CYP4F3: variants seen among roughly 807,000 people sequenced by gnomAD.
CYP4F3 encodes the protein cytochrome P450 family 4 subfamily F member 3, also known as cytochrome P450 4F3.
CYP4F3 carries 50 observed loss-of-function variants against 54.8 expected under a neutral mutation model. The ratio of observed to expected loss-of-function variants is 0.91; its 90% CI spans 0.73 to 1.16. The LOEUF (loss-of-function observed/expected upper bound fraction) is 1.16, where lower values mean the gene tolerates loss of function less well. Ranked by LOEUF, CYP4F3 falls within the 50% of genes most tolerant of loss-of-function variation. The pLI is 0.00. For synonymous variants in CYP4F3, 244 were observed against 262.6 expected (o/e 0.93, Z 0.69); for missense variants, 715 against 676.2 (o/e 1.06, Z -0.64).
chr19:15,658,574 T>A lies in CYP4F3; in HGVS notation c.1314+19T>A, dbSNP rs1157469077. ...CCCTGAGGTGCGGGCCCCCCGTCTC[T>A]GTTTTTGTCCATTCCAAGGCTCCTA... is the stretch of plus-strand genomic sequence containing the variant. On this transcript the variant is annotated intron_variant, in intron 11 of 12. Transcript: ENST00000221307. 1 of 1,613,822 alleles carries A rather than the reference T, an allele frequency of 6.2e-7. No homozygotes were observed. The highest frequency in any genetic ancestry group is 2.2e-5 in the East Asian group (1 of 44,882).
Position 15,656,072 on chromosome 19 carries a change from G to A in CYP4F3, c.1116-2192G>A, listed in dbSNP as rs538290451. ...TTTGACCAACATTTCACCCTTCTCT[G>A]TCCCTCCCCCACCCCTGGCCTCTGG... On this transcript the variant is annotated intron_variant, in intron 9 of 12. Transcript: ENST00000221307. Among the ~76,000 whole-genome samples, 14 of 152,046 alleles carry A rather than the reference G, an allele frequency of 9.2e-5. 2 individuals are homozygous for A. The highest frequency in any genetic ancestry group is 3.4e-4 in the African/African-American group (14 of 41,484).
rs1270772904 is a variant in CYP4F3 at position 15,644,162 on chromosome 19, T to C, written c.199-1557T>C. 3.1e-6 allele frequency: 4 copies of C among 1,295,138 alleles called. No individual in the cohort carries two copies. The African/African-American group carries it at 4.6e-5, about 15-fold the overall frequency. The allele number at this position is 1,295,138 out of a possible 1,614,324, so 80.2% of individuals were successfully genotyped here. A position where few individuals can be genotyped will look rare whatever the true frequency, so the allele number is the denominator to read the frequency against. ...GCAGTACTCTGGTCTCTCCTTTCCT[T>C]CTCTCTCAGCCATCTTCATCTTTCT... On this transcript the variant is annotated intron_variant, in intron 2 of 12. Coordinates refer to ENST00000221307, the MANE Select transcript of CYP4F3 (RefSeq NM_000896.3).
chr19:15,643,961 C>A, intron 2 of CYP4F3: 1 of 1,606,536 alleles, frequency 6.2e-7, no homozygotes. Flanking sequence ...GGCCACCTAC[C>A]CCCAGGGCTT....
At chr19:15,641,247 C>G (rs1357470144) in intron 1 of CYP4F3, 168 bp from the exon 2 acceptor site, 16 of 809,304 alleles carry the variant, frequency 2.0e-5, no homozygotes, top group Non-Finnish European at 2.8e-5. Flanking sequence ...CTGGTTTTGG[C>G]TGGGCCTTTC....
At chr19:15,645,434 AT>A (rs1180353643) in intron 2 of CYP4F3, among the ~76,000 whole-genome samples, 1 of 152,192 alleles carries the variant, frequency 6.6e-6, no homozygotes, top group African/African-American at 2.4e-5. Flanking sequence ...TTACTTTATC[AT>A]TTAGAGCCTC....
At chr19:15,642,824 G>A (rs137956702) in intron 2 of CYP4F3, among the ~76,000 whole-genome samples, 1,570 of 151,906 alleles carry the variant, frequency 0.01, 11 homozygotes, top group Non-Finnish European at 0.018. Context: ...TGGGTAGATA[G>A]ACAGATAGAT....
In CYP4F3 at chr19:15,659,576, A is replaced by G. The variant is rs1973137324; in HGVS notation, c.*191A>G. ...TGTTCATGGCAGCCCTATTCACAGT[A>G]GCCAAACGATGAAAACAACCCCAAG... On this transcript the variant is annotated 3_prime_UTR_variant, in exon 13 of 13. Transcript: ENST00000221307. 20 of 1,123,740 alleles carry G rather than the reference A, an allele frequency of 1.8e-5. No homozygotes were observed. Among genetic ancestry groups the G allele is most frequent in the Non-Finnish European group, 2.5e-5 (20 of 815,748 alleles). The allele number at this position is 1,123,740 out of a possible 1,614,324, so 69.6% of individuals were successfully genotyped here. A position where few individuals can be genotyped will look rare whatever the true frequency, so the allele number is the denominator to read the frequency against.
intron 2 of CYP4F3, among the ~76,000 whole-genome samples, chr19:15,642,586 C>CT (rs753401668): frequency 3.3e-5 from 5 of 152,218 alleles, no homozygotes; most frequent in African/African-American, 1.2e-4. Flanking sequence ...CACCTCTGGG[C>CT]TGAAATGACT....
chr19:15,649,336 T>G (rs2144647827), intron 6 of CYP4F3, 55 bp downstream of exon 6: 4 of 1,608,652 alleles, frequency 2.5e-6, no homozygotes, highest in Non-Finnish European at 3.4e-6. Context: ...AGTTGGTAGG[T>G]GGGGGGCTGG....
intron 12 of CYP4F3, among the ~76,000 whole-genome samples, 196 bp from the exon 13 acceptor site, chr19:15,659,024 G>T (rs1011506680): frequency 1.7e-5 from 2 of 119,110 alleles, no homozygotes; most frequent in African/African-American, 7.9e-5. Context: ...CCCCACCTTG[G>T]TCTAGGCTGG....
intron 7 of CYP4F3, among the ~76,000 whole-genome samples, chr19:15,652,241 A>G (rs554732300): frequency 6.6e-6 from 1 of 151,396 alleles, no homozygotes; most frequent in South Asian, 2.1e-4. Flanking sequence ...AATTTCCAAG[A>G]CAAATTGCCA....
At position 15,650,397 on chromosome 19, in the gene CYP4F3, T is replaced by C. The variant is rs1240299149; in HGVS notation, c.918+214T>C. The C allele has an allele frequency of 3.3e-6, 3 of 912,450 alleles. No homozygotes were observed. In the East Asian group the frequency reaches 8.1e-5, roughly 24 times the overall value. 56.5% of individuals were successfully genotyped at this position (912,450 alleles called of 1,614,324 possible). On this transcript the variant is annotated intron_variant, in intron 7 of 12. Transcript: ENST00000221307. ...ATGAAATTGTGATGAGTCTGAGATTTACTCTATTTATAAGTTAATAAGCTA... is the reference window on the plus strand; with the variant it reads ...ATGAAATTGTGATGAGTCTGAGATTCACTCTATTTATAAGTTAATAAGCTA...
At chr19:15,643,969 C>G (rs769783056) in intron 2 of CYP4F3, 1 of 1,607,456 alleles carries the variant, frequency 6.2e-7, no homozygotes, top group South Asian at 1.1e-5. Flanking sequence ...ACCCCCAGGG[C>G]TTTAAGGTCT....
chr19:15,652,091 C>G (rs1190869524), intron 7 of CYP4F3, among the ~76,000 whole-genome samples: 2 of 151,944 alleles, frequency 1.3e-5, no homozygotes, highest in Admixed American at 6.6e-5. Flanking sequence ...AGAGAGAGGG[C>G]ACCAGCTTTG....
Position 15,650,699 on chromosome 19 carries a change from TC to T in CYP4F3, c.918+517del, listed in dbSNP as rs756809719. Among the ~76,000 whole-genome samples, 194 of 67,502 alleles carry T rather than the reference TC, an allele frequency of 2.9e-3. 2 individuals carry two copies. The highest frequency in any genetic ancestry group is 0.021 in the East Asian group (23 of 1,108). 44.3% of individuals were successfully genotyped at this position (67,502 alleles called of 152,430 possible). A position where few individuals can be genotyped will look rare whatever the true frequency, so the allele number is the denominator to read the frequency against. On this transcript the variant is annotated intron_variant, in intron 7 of 12. Transcript: ENST00000221307. ...TTCTTTCTTTCTTTCTTTCTTTCTT[TC>T]TTTCTTTCTTTCTTTCTTTCTTTCT...
chr19:15,656,837 T>C (rs1973040647), intron 9 of CYP4F3, among the ~76,000 whole-genome samples: 1 of 152,180 alleles, frequency 6.6e-6, no homozygotes. Context: ...TATATCCATA[T>C]GCTTCTTGCT....
At chr19:15,651,753 G>T (rs1298836797) in intron 7 of CYP4F3, among the ~76,000 whole-genome samples, 1 of 152,018 alleles carries the variant, frequency 6.6e-6, no homozygotes, top group Non-Finnish European at 1.5e-5. Context: ...ATGTTTATGT[G>T]TATTTGTGTG....
chr19:15,647,026 C>G lies in CYP4F3; in HGVS notation c.344-26C>G. ...GTTCCTCCTTCACCTGCCTCCATGGCCCCTGATTGTCCTCATTTATGTCAG... is the reference window on the plus strand; with the variant it reads ...GTTCCTCCTTCACCTGCCTCCATGGGCCCTGATTGTCCTCATTTATGTCAG... On this transcript the variant is annotated intron_variant, in intron 3 of 12. Transcript: ENST00000221307. 3.1e-6 allele frequency: 5 copies of G among 1,613,568 alleles called. No individual in the cohort carries two copies. The East Asian group carries it at 8.9e-5, about 29-fold the overall frequency.
chr19:15,644,126 G>A (rs904228211), intron 2 of CYP4F3: 15 of 1,441,386 alleles, frequency 1.0e-5, no homozygotes, highest in South Asian at 1.5e-5. Flanking sequence ...CCCAAGCCGT[G>A]TGTGGCCCCT....
Sources: gnomAD v4.1 joint callset for allele counts (sites outside exome capture counted in the v4.1 genomes callset) on GRCh38, gnomAD v4.1.1 for gene constraint, MANE v1.5 for transcripts, NCBI Gene and HGNC (gene_info 2026-07-23, HGNC 2026-07-21) for gene names.